ADGRA2: variants seen among roughly 807,000 people sequenced by gnomAD.
ADGRA2 encodes the protein G-protein coupled receptor 124.
ADGRA2 carries 61 observed loss-of-function variants against 98.7 expected under a neutral mutation model. The ratio of observed to expected loss-of-function variants is 0.62; its 90% CI spans 0.50 to 0.76. The LOEUF is 0.76. Ranked by LOEUF, ADGRA2 falls within the 30% of genes least tolerant of loss-of-function variation. The pLI, the probability that ADGRA2 is intolerant of heterozygous loss-of-function variation, is 0.00. For synonymous variants in ADGRA2, 858 were observed against 831.5 expected, an observed-to-expected ratio of 1.03 and a Z score of -0.55; for missense variants, 1,712 against 1,860.0, an observed-to-expected ratio of 0.92 and a Z score of 1.46.
intron 14 of ADGRA2, among the ~76,000 whole-genome samples, 170 bp from the exon 15 acceptor site, chr8:37,838,786 A>G (rs1244503717): frequency 2.0e-5 from 3 of 152,106 alleles, no homozygotes; most frequent in South Asian, 4.1e-4. Context: ...AGCTGGCTCC[A>G]TAGGGCTGGC....
In ADGRA2 at chr8:37,799,235, C is replaced by G. The variant is rs571379955; in HGVS notation, c.266+1701C>G. ...ACTAAAAATACAAAAATTAGCCAGG[C>G]GTGGTAGCGCGCGCCTGTAATCCCA... is the stretch of plus-strand genomic sequence containing the variant. On this transcript the variant is annotated intron_variant, in intron 1 of 18. Coordinates refer to ENST00000412232, the MANE Select transcript of ADGRA2 (RefSeq NM_032777.10). Among the ~76,000 whole-genome samples the G allele has an allele frequency of 8.5e-5, 13 of 152,114 alleles. No individual in the cohort carries two copies. The East Asian group carries it at 2.5e-3, about 29-fold the overall frequency.
rs538202690 is a variant in ADGRA2, at chr8:37,828,988, C to T, written c.410+29C>T. ...AGTGGCACGCCCTCCCCTGACCCCA[C>T]CCCTCCCCTCCCGAGGGAGAAAGTC... On this transcript the variant is annotated intron_variant, in intron 3 of 18. Coordinates refer to ENST00000412232, the MANE Select transcript of ADGRA2 (RefSeq NM_032777.10). The T allele has an allele frequency of 5.4e-6, 8 of 1,480,990 alleles. No individual in the cohort carries two copies. In the South Asian group the frequency reaches 6.5e-5, roughly 12 times the overall value. 91.7% of individuals were successfully genotyped at this position (1,480,990 alleles called of 1,614,324 possible). A position where few individuals can be genotyped will look rare whatever the true frequency, so the allele number is the denominator to read the frequency against.
Position 37,844,467 on chromosome 8 carries a change from G to C in ADGRA2, c.*2112G>C, listed in dbSNP as rs1444225740. 5 of 1,607,336 alleles carry C rather than the reference G, an allele frequency of 3.1e-6. No homozygotes were observed. The Admixed American group carries it at 5.0e-5, about 16-fold the overall frequency. On this transcript the variant is annotated 3_prime_UTR_variant, in exon 19 of 19. Coordinates refer to ENST00000412232, the MANE Select transcript of ADGRA2 (RefSeq NM_032777.10). ...TGTTATCAAGCTGTCAGAACAGGAT[G>C]AAGTGCTCCCAGTGGATATCCATCA...
rs117907535 is a variant in ADGRA2 at position 37,819,372 on chromosome 8, A to G, written c.338+4405A>G. ...GCTGTATTTATATATGCAAATACTTACTATTATTATTATTATTTGAGATGG... is the reference window on the plus strand; with the variant it reads ...GCTGTATTTATATATGCAAATACTTGCTATTATTATTATTATTTGAGATGG... On this transcript the variant is annotated intron_variant, in intron 2 of 18. Transcript: ENST00000412232. Among the ~76,000 whole-genome samples the G allele has an allele frequency of 1.8e-3, 266 of 151,996 alleles. 5 individuals are homozygous for G. In the East Asian group the frequency reaches 0.022, roughly 13 times the overall value.
chr8:37,813,256 A>G (rs781155655), intron 1 of ADGRA2, among the ~76,000 whole-genome samples: 2 of 152,146 alleles, frequency 1.3e-5, no homozygotes, highest in Non-Finnish European at 2.9e-5. Flanking sequence ...TTTCTTTTAA[A>G]GAGCCTGTCA....
intron 2 of ADGRA2, among the ~76,000 whole-genome samples, chr8:37,815,487 G>T (rs769629176): frequency 6.6e-6 from 1 of 152,238 alleles, no homozygotes; most frequent in Non-Finnish European, 1.5e-5. Flanking sequence ...CAGCCTTCAG[G>T]CTGGCCTTGG....
At position 37,797,551 on chromosome 8, in the gene ADGRA2, G is replaced by A; in HGVS notation, c.266+17G>A. ...CGTTACCCTGTGAGTACCCTACCAG[G>A]CCAGTTCCGTCCGAGCCGGGACTGG... On this transcript the variant is annotated intron_variant, in intron 1 of 18. Transcript: ENST00000412232. The surrounding 1 kb of genome is among the most constrained non-coding windows in gnomAD (Gnocchi z 5.3). 2 of 1,363,430 alleles carry A rather than the reference G, an allele frequency of 1.5e-6. No individual in the cohort carries two copies. Among genetic ancestry groups the A allele is most frequent in the Non-Finnish European group, 1.9e-6 (2 of 1,051,294 alleles). 84.5% of individuals were successfully genotyped at this position (1,363,430 alleles called of 1,614,324 possible).
intron 2 of ADGRA2, among the ~76,000 whole-genome samples, chr8:37,828,064 C>T (rs977057389): frequency 2.0e-5 from 3 of 151,926 alleles, no homozygotes; most frequent in Admixed American, 6.6e-5. Context: ...ATGGCTTGGG[C>T]CCAGGAATTT....
intron 1 of ADGRA2, among the ~76,000 whole-genome samples, chr8:37,804,324 A>G (rs1241102502): frequency 1.3e-5 from 2 of 150,038 alleles, no homozygotes; most frequent in Non-Finnish European, 3.0e-5. Flanking sequence ...GAAGCTTCTC[A>G]GACCTCTTGA....
At position 37,841,962 on chromosome 8, in the gene ADGRA2, G is replaced by A. The variant is rs766361830; in HGVS notation, c.3624G>A (p.Ala1208=). The A allele has an allele frequency of 3.3e-6, 5 of 1,501,064 alleles. No homozygotes were observed. The highest frequency in any genetic ancestry group is 4.4e-6 in the Non-Finnish European group (5 of 1,134,092). 93.0% of individuals were successfully genotyped at this position (1,501,064 alleles called of 1,614,324 possible). A position where few individuals can be genotyped will look rare whatever the true frequency, so the allele number is the denominator to read the frequency against. ...KNRLKALRGG[A]AGALELLSSE... is the part of the protein sequence containing the mutation. Reference sequence around the variant, plus strand: ...GGCTCAAGGCCCTGCGCGGGGGCGCGGCGGGGGCGCTGGAGCTGCTGTCCA... The same window carrying A: ...GGCTCAAGGCCCTGCGCGGGGGCGCAGCGGGGGCGCTGGAGCTGCTGTCCA... Residue 1208 remains alanine, a synonymous_variant, in exon 19 of 19, where the codon GCG becomes GCA. Transcript: ENST00000412232. The surrounding 1 kb of genome is among the most constrained non-coding windows in gnomAD (Gnocchi z 5.0).
intron 2 of ADGRA2, among the ~76,000 whole-genome samples, chr8:37,817,363 A>T (rs1352456477): frequency 1.3e-5 from 2 of 152,126 alleles, no homozygotes; most frequent in Non-Finnish European, 2.9e-5. Flanking sequence ...TCTGTGGCTC[A>T]CAGACAGAGT....
chr8:37,822,429 A>T (rs1805154480), intron 2 of ADGRA2, among the ~76,000 whole-genome samples: 1 of 139,618 alleles, frequency 7.2e-6, no homozygotes, highest in African/African-American at 3.2e-5. Flanking sequence ...TCTTTAACTC[A>T]CATGCTCTTT....
chr8:37,817,584 C>G (rs1486171630), intron 2 of ADGRA2, among the ~76,000 whole-genome samples: 1 of 151,972 alleles, frequency 6.6e-6, no homozygotes, highest in Non-Finnish European at 1.5e-5. Flanking sequence ...TGGTATGCAC[C>G]CATAGTTCCA....
intron 1 of ADGRA2, among the ~76,000 whole-genome samples, chr8:37,811,119 CAAAA>C (rs1158782949): frequency 1.9e-4 from 13 of 68,632 alleles, no homozygotes; most frequent in African/African-American, 3.0e-4. Context: ...GTCTCAAAAA[CAAAA>C]AAAAAAAAAA....
chr8:37,801,875 C>T (rs1319904781), intron 1 of ADGRA2, among the ~76,000 whole-genome samples: 5 of 152,230 alleles, frequency 3.3e-5, no homozygotes, highest in African/African-American at 9.6e-5. Context: ...TTAAAAAACC[C>T]GGTTCCTTCC....
intron 1 of ADGRA2, among the ~76,000 whole-genome samples, chr8:37,800,218 C>T (rs1260537229): frequency 6.6e-6 from 1 of 152,184 alleles, no homozygotes; most frequent in South Asian, 2.1e-4. Context: ...CATGTGTGCA[C>T]AGGAGTCAGT....
intron 2 of ADGRA2, among the ~76,000 whole-genome samples, chr8:37,822,926 C>G (rs571220787): frequency 2.0e-5 from 3 of 147,924 alleles, no homozygotes; most frequent in South Asian, 4.3e-4. Flanking sequence ...GAGTCTCACT[C>G]TGTTGCCCAG....
intron 2 of ADGRA2, among the ~76,000 whole-genome samples, chr8:37,824,083 G>C (rs1363627091): frequency 6.6e-6 from 1 of 151,912 alleles, no homozygotes; most frequent in Non-Finnish European, 1.5e-5. Flanking sequence ...CCAAGCTGGA[G>C]TGCAATGGCA....
intron 1 of ADGRA2, among the ~76,000 whole-genome samples, chr8:37,809,231 G>A (rs1218904429): frequency 6.6e-6 from 1 of 151,848 alleles, no homozygotes; most frequent in African/African-American, 2.4e-5. Context: ...AAGAGGTGGA[G>A]GCTGCAGTGA....
Sources: allele counts gnomAD v4.1 joint callset (sites outside exome capture counted in the v4.1 genomes callset), GRCh38; gene constraint gnomAD v4.1.1; non-coding constraint Gnocchi (gnomAD v3.1); transcripts MANE v1.5; gene names NCBI Gene and HGNC (gene_info 2026-07-23, HGNC 2026-07-21).